The following PLEKHA4 variants were observed in gnomAD, a reference collection of about 807,000 sequenced individuals.
PLEKHA4 encodes pleckstrin homology domain containing A4.
A neutral mutation model predicts 94.7 loss-of-function variants in PLEKHA4; 73 were observed. The observed-to-expected ratio is 0.77, with a 90% CI of 0.64 to 0.94. The LOEUF (loss-of-function observed/expected upper bound fraction) is 0.94, where lower values mean the gene tolerates loss of function less well. Among genes scored for constraint, PLEKHA4 ranks in the 40% least tolerant of loss-of-function variants. The pLI is 0.00. For synonymous variants in PLEKHA4, 449 were observed against 437.1 expected (o/e 1.03, Z -0.34); for missense variants, 1,049 against 1,054.1 (o/e 1.00, Z 0.07).
chr19:48,862,088 A>G (rs568012267), intron 3 of PLEKHA4, among the ~76,000 whole-genome samples: 5 of 152,038 alleles, frequency 3.3e-5, no homozygotes, highest in African/African-American at 4.8e-5. Flanking sequence ...AGACCCAGAG[A>G]GACAGAAGAG....
At position 48,863,432 on chromosome 19, in the gene PLEKHA4, G is replaced by GTTTTT. The variant is rs113645066; in HGVS notation, c.193-1745_193-1741dup. Among the ~76,000 whole-genome samples the GTTTTT allele has an allele frequency of 6.3e-4, 66 of 104,736 alleles. 6 individuals carry two copies. The highest frequency in any genetic ancestry group is 1.1e-3 in the Non-Finnish European group (54 of 48,598). The allele number at this position is 104,736 out of a possible 152,430, so 68.7% of individuals were successfully genotyped here. ...CCATGCAGGCTAATTTAGGTTTTTT[G>GTTTTT]TTTTTTTTTTTTTTTGAGACGGAGT... On this transcript the variant is annotated intron_variant, in intron 3 of 19. Transcript: ENST00000263265.
In PLEKHA4 at chr19:48,841,115, C is replaced by T. The variant is rs200543926; in HGVS notation, c.1905+34G>A. 7.4e-5 allele frequency: 117 copies of T among 1,589,844 alleles called. No homozygotes were observed. The East Asian group carries it at 2.6e-3, about 36-fold the overall frequency. On this transcript the variant is annotated intron_variant, in intron 17 of 19. Transcript: ENST00000263265. ...AGTAGGCGAAGAGGACCTACTACCA[C>T]CCCACCGCCCAGCCCCAGCCCTCCT...
chr19:48,848,063 T>A (rs756259151), intron 13 of PLEKHA4, 23 bp from the exon 14 acceptor site: 1 of 1,611,892 alleles, frequency 6.2e-7, no homozygotes, highest in Non-Finnish European at 8.5e-7. Context: ...AAGGAATTTG[T>A]TACTTAAAGG....
intron 13 of PLEKHA4, among the ~76,000 whole-genome samples, chr19:48,851,988 TC>T (rs754488774): frequency 6.4e-4 from 97 of 151,708 alleles, no homozygotes; most frequent in Non-Finnish European, 9.7e-4. Flanking sequence ...AGATAACAGC[TC>T]GAGAAAACGG....
At chr19:48,852,132 G>T in intron 13 of PLEKHA4, 96 bp downstream of exon 13, 2 of 928,308 alleles carry the variant, frequency 2.2e-6, no homozygotes, top group Non-Finnish European at 3.5e-6. Context: ...ACTGGGCGGG[G>T]CCTCGATTCT....
chr19:48,862,204 CTT>C (rs747491446), intron 3 of PLEKHA4, among the ~76,000 whole-genome samples: 20 of 135,448 alleles, frequency 1.5e-4, no homozygotes, highest in Admixed American at 2.3e-4. Context: ...TTTTCTCTCT[CTT>C]TTTTTTTTTT....
chr19:48,862,374 T>C (rs370662648), intron 3 of PLEKHA4, among the ~76,000 whole-genome samples: 12 of 151,456 alleles, frequency 7.9e-5, no homozygotes, highest in African/African-American at 2.9e-4. Flanking sequence ...CTAATTTTTG[T>C]ATTTTTAGTA....
In PLEKHA4 at chr19:48,861,407, G is replaced by C; in HGVS notation, c.360C>G (p.Thr120=). 6.2e-7 allele frequency: 1 copy of C among 1,613,210 alleles called. No homozygotes were observed. The highest frequency in any genetic ancestry group is 8.5e-7 in the Non-Finnish European group (1 of 1,179,768). ...CATGGATGGATGGACTCACGGTGAA[G>C]GTGAAGCGCCGCCCTCGGGGGGCTC... ...GPGAPRGRRF[T]FTAEHPGMRT... The change falls in exon 5 of 20, where the codon ACC becomes ACG. Residue 120 remains threonine, a synonymous_variant. Coordinates refer to ENST00000263265, the MANE Select transcript of PLEKHA4 (RefSeq NM_020904.3).
chr19:48,850,260 C>T (rs2036131206), intron 13 of PLEKHA4, among the ~76,000 whole-genome samples: 2 of 151,976 alleles, frequency 1.3e-5, no homozygotes, highest in African/African-American at 2.4e-5. Context: ...AATCCCAGCA[C>T]TTTGGGAGGC....
In PLEKHA4 at chr19:48,853,808, C is replaced by A; in HGVS notation, c.1200G>T (p.Glu400Asp). The A allele has an allele frequency of 6.2e-7, 1 of 1,611,464 alleles. No homozygotes were observed. The highest frequency in any genetic ancestry group is 8.5e-7 in the Non-Finnish European group (1 of 1,178,660). The change falls in exon 12 of 20, where the codon GAG becomes GAT. Residue 400 changes from glutamate (E) to aspartate (D), a missense_variant. Transcript: ENST00000263265. The stretch of plus-strand genomic sequence containing the variant: ...CTTGGCCCAGCTGTTGCCGGGTCAA[C>A]TCCAGAGCTGCTTCTAGTTGCTCCT... ...EEKEQLEAALELTRQQLGQAT... is the reference protein window; with the variant it reads ...EEKEQLEAALDLTRQQLGQAT...
At chr19:48,859,371 C>T in intron 7 of PLEKHA4, 98 bp downstream of exon 7, 1 of 1,324,520 alleles carries the variant, frequency 7.5e-7, no homozygotes, top group South Asian at 1.3e-5. Context: ...CAGCAAGTCA[C>T]ACACACTCAA....
intron 5 of PLEKHA4, among the ~76,000 whole-genome samples, chr19:48,860,851 G>GA (rs796511323): frequency 4.1e-4 from 57 of 139,286 alleles, no homozygotes; most frequent in African/African-American, 1.3e-3. Flanking sequence ...GAGAGAGAGA[G>GA]AAAAAAAAAG....
In PLEKHA4 at chr19:48,848,024, T is replaced by A; in HGVS notation, c.1442A>T (p.Gln481Leu). The change falls in exon 14 of 20, where the codon CAG becomes CTG. Residue 481 changes from glutamine (Q) to leucine (L), a missense_variant. Physicochemically the swap from Gln to Leu is moderately radical, Grantham distance 113 (BLOSUM62 -2). Coordinates refer to ENST00000263265, the MANE Select transcript of PLEKHA4 (RefSeq NM_020904.3). ...LGSPQDRVSA[Q>L]QQLWMVEDTL... is the part of the protein sequence containing the mutation. ...GTCTTCCACCATCCACAGCTGCTGCTGAGCAGACACTCTGTCCTGCAGGGA... is the reference window on the plus strand; with the variant it reads ...GTCTTCCACCATCCACAGCTGCTGCAGAGCAGACACTCTGTCCTGCAGGGA... 1 of 1,613,740 alleles carries A rather than the reference T, an allele frequency of 6.2e-7. No homozygotes were observed. Among genetic ancestry groups the A allele is most frequent in the Non-Finnish European group, 8.5e-7 (1 of 1,179,984 alleles).
intron 9 of PLEKHA4, among the ~76,000 whole-genome samples, chr19:48,857,119 G>C (rs1362042486): frequency 6.6e-6 from 1 of 151,994 alleles, no homozygotes; most frequent in Non-Finnish European, 1.5e-5. Flanking sequence ...CTCAGGAATT[G>C]CTGGCAACCA....
chr19:48,857,458 CG>C lies in PLEKHA4; in HGVS notation c.1010del (p.Pro337ArgfsTer32), dbSNP rs753278744. 5.8e-6 allele frequency: 9 copies of C among 1,563,912 alleles called. No homozygotes were observed. In the South Asian group the frequency reaches 6.0e-5, roughly 10 times the overall value. On this transcript the variant is annotated frameshift_variant, in exon 9 of 20. Transcript: ENST00000263265. LOFTEE classifies it high-confidence loss of function. Reference sequence around the variant, plus strand: ...TGGAGGCCCGGGTCCCAGGGGGCCGCGGGGGGAGCTGGAGATAAGTGGGGGA... The same window carrying C: ...TGGAGGCCCGGGTCCCAGGGGGCCGCGGGGGAGCTGGAGATAAGTGGGGGA... ...SGSPTYLQLP[P>X]RPPGTRASMV... is the part of the protein sequence containing the mutation.
chr19:48,837,474 G>A lies in PLEKHA4; in HGVS notation c.2155C>T (p.Pro719Ser). 3.7e-6 allele frequency: 6 copies of A among 1,613,098 alleles called. No homozygotes were observed. Among genetic ancestry groups the A allele is most frequent in the Non-Finnish European group, 5.1e-6 (6 of 1,179,634 alleles). ...PPSDPTRQET[P>S]PPRSPPVANS... ...GCCACCGGGGGAGATCTGGGGGGAG[G>A]GGTCTCCTGGCGCGTGGGGTCCGAA... Residue 719 changes from proline to serine, a missense_variant, in exon 20 of 20, where the codon CCT becomes TCT. Physicochemically the swap from Pro to Ser is moderately conservative, Grantham distance 74. Transcript: ENST00000263265. The surrounding 1 kb of genome is among the most constrained non-coding windows in gnomAD (Gnocchi z 4.3).
chr19:48,851,871 A>G (rs146231559), intron 13 of PLEKHA4, among the ~76,000 whole-genome samples: 17,813 of 151,756 alleles, frequency 0.12, 1,241 homozygotes, highest in Middle Eastern at 0.17. Flanking sequence ...TTGAACCTGG[A>G]AGGCAGAGGT....
In PLEKHA4 at chr19:48,863,730, G is replaced by A. The variant is rs547247491; in HGVS notation, c.192+1773C>T. 9.7e-4 allele frequency among the ~76,000 whole-genome samples: 148 copies of A among 151,970 alleles called. 1 individual carries two copies. The highest frequency in any genetic ancestry group is 3.1e-3 in the African/African-American group (128 of 41,472). ...TGAGATTACAGGAGTGAGCCACCAC[G>A]CCCAGCCTAATTTTTGTATTTTTAG... On this transcript the variant is annotated intron_variant, in intron 3 of 19. Transcript: ENST00000263265.
intron 13 of PLEKHA4, among the ~76,000 whole-genome samples, chr19:48,849,890 G>A (rs951082367): frequency 1.3e-5 from 2 of 152,156 alleles, no homozygotes; most frequent in African/African-American, 4.8e-5. Flanking sequence ...AGGGGAGAGA[G>A]CAGCTCTGGA....
Sources: gnomAD v4.1 joint callset for allele counts (sites outside exome capture counted in the v4.1 genomes callset) on GRCh38, gnomAD v4.1.1 for gene constraint, Gnocchi (gnomAD v3.1) non-coding constraint, MANE v1.5 for transcripts, NCBI Gene and HGNC (gene_info 2026-07-23, HGNC 2026-07-21) for gene names.